PCNX4: variants seen among roughly 807,000 people sequenced by gnomAD.
PCNX4 encodes pecanex 4, also known as pecanex-like protein 4.
A neutral mutation model predicts 107.2 loss-of-function variants in PCNX4; 103 were observed. That is an observed-to-expected ratio of 0.96 (90% CI 0.82 to 1.13). The LOEUF (loss-of-function observed/expected upper bound fraction) is 1.13. Ranked by LOEUF, PCNX4 falls within the 50% of genes most tolerant of loss-of-function variation. The pLI is 0.00. For missense variants in PCNX4, 1,528 were observed against 1,379.4 expected, an observed-to-expected ratio of 1.11 and a Z score of -1.71; for synonymous variants, 541 against 481.7, an observed-to-expected ratio of 1.12 and a Z score of -1.61.
At chr14:60,114,526 C>T (rs1895801702) in intron 2 of PCNX4, among the ~76,000 whole-genome samples, 174 bp from the exon 3 acceptor site, 1 of 151,862 alleles carries the variant, frequency 6.6e-6, no homozygotes, top group Non-Finnish European at 1.5e-5. Flanking sequence ...GGACACTTGT[C>T]ACAATTTGTA....
rs1896329426 is a variant in PCNX4 at position 60,143,365 on chromosome 14, A to G, written c.*9144A>G. The G allele has an allele frequency of 6.6e-6, 1 of 152,218 alleles. No homozygotes were observed. Among genetic ancestry groups the G allele is most frequent in the Non-Finnish European group, 1.5e-5 (1 of 68,034 alleles). 9.4% of individuals were successfully genotyped at this position (152,218 alleles called of 1,614,324 possible). A position where few individuals can be genotyped will look rare whatever the true frequency, so the allele number is the denominator to read the frequency against. On this transcript the variant is annotated 3_prime_UTR_variant, in exon 11 of 11. Coordinates refer to ENST00000406854, the MANE Select transcript of PCNX4 (RefSeq NM_001330177.2). ...TTCTTATAATTGGTGTGTTGTATTC[A>G]ATAAATAATGTTGTTATTCCAGTTT... is the stretch of plus-strand genomic sequence containing the variant.
chr14:60,100,912 TTTCC>T (rs1895519263), intron 1 of PCNX4, among the ~76,000 whole-genome samples: 1 of 152,220 alleles, frequency 6.6e-6, no homozygotes, highest in Non-Finnish European at 1.5e-5. Context: ...TCCCCTTTGT[TTTCC>T]TTCCTTCCTT....
At chr14:60,097,712 T>TCATAGCTCCCAAACC (rs1282766495) in intron 1 of PCNX4, among the ~76,000 whole-genome samples, 2 of 152,208 alleles carry the variant, frequency 1.3e-5, no homozygotes, top group African/African-American at 4.8e-5. Context: ...GGGAGCAGAA[T>TCATAGCTCCCAAACC]CATAGCATGG....
intron 7 of PCNX4, among the ~76,000 whole-genome samples, chr14:60,120,245 A>ATGTG (rs1895929155): frequency 6.6e-6 from 1 of 152,178 alleles, no homozygotes; most frequent in Non-Finnish European, 1.5e-5. Context: ...ACAAGTTGTG[A>ATGTG]TGTGTGATAT....
intron 2 of PCNX4, chr14:60,110,127 G>A (rs1472632981): frequency 6.0e-6 from 1 of 167,134 alleles, no homozygotes; most frequent in Non-Finnish European, 1.5e-5. Flanking sequence ...CTGTCCCTCA[G>A]TAAAGAGCTT....
At chr14:60,104,676 A>C (rs904285524) in intron 1 of PCNX4, among the ~76,000 whole-genome samples, 3 of 152,214 alleles carry the variant, frequency 2.0e-5, no homozygotes, top group African/African-American at 7.2e-5. Context: ...ACGAGAGAAA[A>C]TCAGAACCGA....
At position 60,120,802 on chromosome 14, in the gene PCNX4, C is replaced by T. The variant is rs186998112; in HGVS notation, c.1943-394C>T. ...TTATGTACATTTTTAAACCACAAAACACTTTTTATATGTTTATATCCATGT... is the reference window on the plus strand; with the variant it reads ...TTATGTACATTTTTAAACCACAAAATACTTTTTATATGTTTATATCCATGT... On this transcript the variant is annotated intron_variant, in intron 7 of 10. Coordinates refer to ENST00000406854, the MANE Select transcript of PCNX4 (RefSeq NM_001330177.2). Among the ~76,000 whole-genome samples the T allele has an allele frequency of 1.8e-3, 272 of 152,240 alleles. 1 individual carries two copies. Among genetic ancestry groups the T allele is most frequent in the Non-Finnish European group, 2.7e-3 (181 of 68,002 alleles).
Position 60,107,926 on chromosome 14 carries a change from C to T in PCNX4, c.288C>T (p.Asn96=). ...AGTTCACAAGTTTATACGCCAAAAACAAATCAACAACAGTAGAAAGAATAC... is the reference window on the plus strand; with the variant it reads ...AGTTCACAAGTTTATACGCCAAAAATAAATCAACAACAGTAGAAAGAATAC... ...VIQFTSLYAK[N]KSTTVERILT... Residue 96 remains asparagine (N), a synonymous_variant, in exon 2 of 11, where the codon AAC becomes AAT. Transcript: ENST00000406854. 6.2e-7 allele frequency: 1 copy of T among 1,612,852 alleles called. No homozygotes were observed. Among genetic ancestry groups the T allele is most frequent in the Non-Finnish European group, 8.5e-7 (1 of 1,179,880 alleles).
intron 1 of PCNX4, among the ~76,000 whole-genome samples, chr14:60,101,739 A>G (rs1467722818): frequency 2.0e-5 from 3 of 152,212 alleles, no homozygotes; most frequent in African/African-American, 7.2e-5. Context: ...TGATCTAGCA[A>G]TTTTGCTTTT....
At chr14:60,123,038 C>T (rs1407372539) in intron 8 of PCNX4, among the ~76,000 whole-genome samples, 1 of 152,084 alleles carries the variant, frequency 6.6e-6, no homozygotes, top group Non-Finnish European at 1.5e-5. Flanking sequence ...TTTCAAACAG[C>T]GCTCCGAGTG....
chr14:60,124,073 C>G (rs951228770), intron 8 of PCNX4, 145 bp from the exon 9 acceptor site: 2 of 588,822 alleles, frequency 3.4e-6, no homozygotes, highest in Admixed American at 3.6e-5. Flanking sequence ...AACTTTAAGT[C>G]AGGATGTTGC....
chr14:60,125,534 G>A (rs1896038286), intron 9 of PCNX4, 103 bp from the exon 10 acceptor site: 2 of 859,542 alleles, frequency 2.3e-6, no homozygotes, highest in Non-Finnish European at 3.3e-6. Context: ...AAATAGATAT[G>A]ATTTCAGTTC....
rs571389422 is a variant in PCNX4, at chr14:60,101,661, A to G, written c.-53-5925A>G. ...GGGAATGCAAAATTGTGCAGCCACTATCTATGCCAAAACAGTATGGAGGTT... is the reference window on the plus strand; with the variant it reads ...GGGAATGCAAAATTGTGCAGCCACTGTCTATGCCAAAACAGTATGGAGGTT... On this transcript the variant is annotated intron_variant, in intron 1 of 10. Coordinates refer to ENST00000406854, the MANE Select transcript of PCNX4 (RefSeq NM_001330177.2). Among the ~76,000 whole-genome samples the G allele has an allele frequency of 2.0e-5, 3 of 151,804 alleles. No homozygotes were observed. In the Admixed American group the frequency reaches 2.0e-4, roughly 10 times the overall value.
In PCNX4 at chr14:60,142,062, G is replaced by T. The variant is rs1413777789; in HGVS notation, c.*7841G>T. On this transcript the variant is annotated 3_prime_UTR_variant, in exon 11 of 11. Transcript: ENST00000406854. The surrounding 1 kb of genome is among the most constrained non-coding windows in gnomAD (Gnocchi z 4.7). The stretch of plus-strand genomic sequence containing the variant: ...AAAATGCAAACTAATCTATAATAAT[G>T]CAAGCACATCATTGGTTGCCTGGAA... 2 of 152,104 alleles carry T rather than the reference G, an allele frequency of 1.3e-5. No homozygotes were observed. The highest frequency in any genetic ancestry group is 1.3e-4 in the Admixed American group (2 of 15,256). The allele number at this position is 152,104 out of a possible 1,614,324, so 9.4% of individuals were successfully genotyped here.
At chr14:60,099,919 G>A (rs1352309564) in intron 1 of PCNX4, among the ~76,000 whole-genome samples, 1 of 151,914 alleles carries the variant, frequency 6.6e-6, no homozygotes, top group African/African-American at 2.4e-5. Context: ...AAAAAAATTA[G>A]TCAGGGGTGG....
At chr14:60,110,271 G>A (rs552019027) in intron 2 of PCNX4, 2 of 167,234 alleles carry the variant, frequency 1.2e-5, no homozygotes, top group South Asian at 4.1e-4. Context: ...CAAAAGTGCA[G>A]TATTCTTCAA....
chr14:60,121,179 T>TTTTTAATTTG lies in PCNX4; in HGVS notation c.1943-15_1943-14insTTAATTTGTT. The TTTTTAATTTG allele has an allele frequency of 6.5e-7, 1 of 1,544,546 alleles. No homozygotes were observed. The highest frequency in any genetic ancestry group is 8.7e-7 in the Non-Finnish European group (1 of 1,154,022). Reference sequence around the variant, plus strand: ...TGATTTTCTTTTTTTTTTTTTTTTTTTTCTAATTTGTTGTAGGTCTCCTCC... The same window carrying TTTTTAATTTG: ...TGATTTTCTTTTTTTTTTTTTTTTTTTTTTAATTTGTTCTAATTTGTTGTAGGTCTCCTCC... On this transcript the variant is annotated splice_polypyrimidine_tract_variant and intron_variant, in intron 7 of 10. Coordinates refer to ENST00000406854, the MANE Select transcript of PCNX4 (RefSeq NM_001330177.2).
At chr14:60,131,698 G>T (rs1200200231) in intron 10 of PCNX4, among the ~76,000 whole-genome samples, 1 of 152,136 alleles carries the variant, frequency 6.6e-6, no homozygotes. Context: ...TTGACAAGTT[G>T]ATTTTCTAAA....
chr14:60,128,719 C>T (rs544730884), intron 10 of PCNX4, among the ~76,000 whole-genome samples: 1 of 152,296 alleles, frequency 6.6e-6, no homozygotes, highest in African/African-American at 2.4e-5. Context: ...CTTCTCTTAA[C>T]TCATTTGAAA....
Sources: allele counts gnomAD v4.1 joint callset (sites outside exome capture counted in the v4.1 genomes callset), GRCh38; gene constraint gnomAD v4.1.1; non-coding constraint Gnocchi (gnomAD v3.1); transcripts MANE v1.5; gene names NCBI Gene and HGNC (gene_info 2026-07-23, HGNC 2026-07-21).